Variants in RAB6A observed in about 807,000 individuals in gnomAD.
The protein encoded by RAB6A is ras-related protein Rab-6A.
RAB6A carries 8 observed loss-of-function variants against 32.3 expected under a neutral mutation model. The ratio of observed to expected loss-of-function variants is 0.25; its 90% CI spans 0.15 to 0.45. The LOEUF is 0.45. Among genes scored for constraint, RAB6A ranks in the 20% least tolerant of loss-of-function variants. The pLI is 1.00. For missense variants in RAB6A, 104 were observed against 249.4 expected, an observed-to-expected ratio of 0.42 and a Z score of 3.93; for synonymous variants, 73 against 82.1, an observed-to-expected ratio of 0.89 and a Z score of 0.60.
intron 2 of RAB6A, among the ~76,000 whole-genome samples, chr11:73,724,036 T>G (rs572653202): frequency 3.3e-5 from 5 of 152,226 alleles, no homozygotes; most frequent in Non-Finnish European, 7.3e-5. Context: ...AAATAGGTTT[T>G]TAAAGAAAAA....
chr11:73,683,234 TAAC>T (rs1945387931), intron 6 of RAB6A, among the ~76,000 whole-genome samples: 1 of 147,782 alleles, frequency 6.8e-6, no homozygotes, highest in African/African-American at 2.5e-5. Flanking sequence ...CACTGCATAA[TAAC>T]GATATAGACC....
intron 1 of RAB6A, among the ~76,000 whole-genome samples, chr11:73,738,104 T>C (rs1454523759): frequency 1.3e-5 from 2 of 151,998 alleles, no homozygotes; most frequent in African/African-American, 4.8e-5. Flanking sequence ...CTCCATAAAG[T>C]TGTTATAAAA....
intron 4 of RAB6A, among the ~76,000 whole-genome samples, chr11:73,716,678 T>C (rs1336324963): frequency 6.6e-6 from 1 of 152,160 alleles, no homozygotes; most frequent in Non-Finnish European, 1.5e-5. Context: ...CTATGGCAGA[T>C]AATATGGTGT....
chr11:73,760,140 T>C (rs1163027311), intron 1 of RAB6A: 2 of 1,288,980 alleles, frequency 1.6e-6, no homozygotes, highest in Non-Finnish European at 2.0e-6. Context: ...GAGGGCCCGC[T>C]CTCGGGAGTG....
chr11:73,742,485 T>C (rs1946513815), intron 1 of RAB6A, among the ~76,000 whole-genome samples: 1 of 151,392 alleles, frequency 6.6e-6, no homozygotes, highest in Non-Finnish European at 1.5e-5. Flanking sequence ...GAAAGATACA[T>C]AATGGTAAAG....
Position 73,693,554 on chromosome 11 carries a change from AT to A in RAB6A, c.496-13835del, listed in dbSNP as rs1247230731. Among the ~76,000 whole-genome samples, 10 of 139,146 alleles carry A rather than the reference AT, an allele frequency of 7.2e-5. No individual in the cohort carries two copies. In the East Asian group the frequency reaches 1.4e-3, roughly 20 times the overall value. 91.3% of individuals were successfully genotyped at this position (139,146 alleles called of 152,430 possible). A position where few individuals can be genotyped will look rare whatever the true frequency, so the allele number is the denominator to read the frequency against. On this transcript the variant is annotated intron_variant, in intron 6 of 7. Coordinates refer to ENST00000336083, the MANE Select transcript of RAB6A (RefSeq NM_198896.2). ...AGCCTGGGCAACATAGCAAGACTCC[AT>A]CTTTTTTTTTTTTTTTTTTTTTTAA...
At chr11:73,737,239 A>G (rs777811257) in intron 1 of RAB6A, among the ~76,000 whole-genome samples, 3 of 152,142 alleles carry the variant, frequency 2.0e-5, no homozygotes, top group Non-Finnish European at 4.4e-5. Flanking sequence ...ATGTAATCCC[A>G]TCACTTTGGG....
At position 73,724,194 on chromosome 11, in the gene RAB6A, G is replaced by A. The variant is rs557288623; in HGVS notation, c.130-3295C>T. On this transcript the variant is annotated intron_variant, in intron 2 of 7. Coordinates refer to ENST00000336083, the MANE Select transcript of RAB6A (RefSeq NM_198896.2). The stretch of plus-strand genomic sequence containing the variant: ...GTAAAACAACAGCAATTCAAAAGGT[G>A]ACTCCAAAAGCAAAGAAAAAGATAT... 5.6e-4 allele frequency among the ~76,000 whole-genome samples: 85 copies of A among 152,178 alleles called. 1 individual carries two copies. The highest frequency in any genetic ancestry group is 1.2e-3 in the South Asian group (6 of 4,828).
At chr11:73,744,569 C>G in intron 1 of RAB6A, among the ~76,000 whole-genome samples, 1 of 147,320 alleles carries the variant, frequency 6.8e-6, no homozygotes, top group Non-Finnish European at 1.5e-5. Flanking sequence ...GGCAGCAGGA[C>G]TTTTATTTTA....
At chr11:73,732,836 G>A (rs1311629541) in intron 1 of RAB6A, among the ~76,000 whole-genome samples, 2 of 151,474 alleles carry the variant, frequency 1.3e-5, no homozygotes, top group African/African-American at 2.4e-5. Context: ...CCCCCGAGAC[G>A]ATGTCTTGCT....
At chr11:73,709,950 C>CACATATATAT (rs1555058393) in intron 5 of RAB6A, among the ~76,000 whole-genome samples, 2 of 57,410 alleles carry the variant, frequency 3.5e-5, no homozygotes, top group South Asian at 6.0e-4. Flanking sequence ...CACACACACA[C>CACATATATAT]ATATATATAT....
intron 1 of RAB6A, among the ~76,000 whole-genome samples, chr11:73,735,513 C>A (rs1157478150): frequency 6.6e-6 from 1 of 152,008 alleles, no homozygotes; most frequent in Non-Finnish European, 1.5e-5. Context: ...GGGCAGTCTT[C>A]TATTATAAGG....
chr11:73,742,283 AAAATAAAT>A (rs748036505), intron 1 of RAB6A, among the ~76,000 whole-genome samples: 1 of 151,896 alleles, frequency 6.6e-6, no homozygotes, highest in Admixed American at 6.6e-5. Flanking sequence ...CTCTGTCTCA[AAAATAAAT>A]AAATAAATAA....
chr11:73,736,816 A>AAG (rs1339738407), intron 1 of RAB6A, among the ~76,000 whole-genome samples: 3 of 140,550 alleles, frequency 2.1e-5, no homozygotes, highest in African/African-American at 5.7e-5. Context: ...AAAGAAAAAA[A>AAG]AAAAAAAAAA....
intron 2 of RAB6A, among the ~76,000 whole-genome samples, chr11:73,722,056 GA>G (rs1213685631): frequency 0.018 from 2,637 of 150,368 alleles, 57 homozygotes; most frequent in Non-Finnish European, 0.03. Context: ...CTTCTGCCAT[GA>G]TTGTAAGTTT....
chr11:73,727,514 G>A lies in RAB6A; in HGVS notation c.129+3251C>T, dbSNP rs537683237. Among the ~76,000 whole-genome samples the A allele has an allele frequency of 2.6e-5, 4 of 151,922 alleles. No individual in the cohort carries two copies. In the East Asian group the frequency reaches 7.7e-4, roughly 29 times the overall value. On this transcript the variant is annotated intron_variant, in intron 2 of 7. Transcript: ENST00000336083. ...ATTATGATTCTCACTTTACAGATGTGAAAATATGGATTCTGAAAAATTTAA... is the reference window on the plus strand; with the variant it reads ...ATTATGATTCTCACTTTACAGATGTAAAAATATGGATTCTGAAAAATTTAA...
intron 1 of RAB6A, among the ~76,000 whole-genome samples, chr11:73,738,697 C>T (rs761264775): frequency 3.3e-5 from 5 of 151,948 alleles, no homozygotes; most frequent in Non-Finnish European, 5.9e-5. Context: ...GGAGCGGTCG[C>T]ACTTTGGTAG....
chr11:73,741,151 C>A (rs555024092), intron 1 of RAB6A, among the ~76,000 whole-genome samples: 16 of 151,624 alleles, frequency 1.1e-4, no homozygotes, highest in Non-Finnish European at 1.9e-4. Context: ...TTCCCCCCAC[C>A]CCCCCAACAG....
chr11:73,714,209 A>AAAAATATATAT (rs35864471), intron 5 of RAB6A, among the ~76,000 whole-genome samples: 34 of 57,566 alleles, frequency 5.9e-4, no homozygotes, highest in Non-Finnish European at 8.2e-4. Context: ...AAAAAAAAAA[A>AAAAATATATAT]ATATATATAT....
Sources: gnomAD v4.1 joint callset for allele counts (sites outside exome capture counted in the v4.1 genomes callset) on GRCh38, gnomAD v4.1.1 for gene constraint, MANE v1.5 for transcripts, NCBI Gene and HGNC (gene_info 2026-07-23, HGNC 2026-07-21) for gene names.